The following ENOX2 variants were observed in gnomAD, a reference collection of about 807,000 sequenced individuals.
The protein encoded by ENOX2 is ecto-NOX disulfide-thiol exchanger 2.
A neutral mutation model predicts 45.0 loss-of-function variants in ENOX2; 36 were observed. The ratio of observed to expected loss-of-function variants is 0.80; its 90% CI spans 0.61 to 1.06. The LOEUF is 1.06. Among genes scored for constraint, ENOX2 ranks in the 50% least tolerant of loss-of-function variants. ENOX2 has a pLI of 0.00. For synonymous variants in ENOX2, 174 were observed against 152.3 expected (o/e 1.14, Z -1.05); for missense variants, 423 against 462.5 (o/e 0.91, Z 0.78).
chrX:130,784,587 T>C (rs1382785665), intron 2 of ENOX2, among the ~76,000 whole-genome samples: 2 of 86,712 alleles, frequency 2.3e-5, no homozygotes, highest in African/African-American at 4.9e-5. Flanking sequence ...TAGCTCACTC[T>C]TTTTTTTTTT....
At chrX:130,837,533 T>A (rs919012229) in intron 2 of ENOX2, among the ~76,000 whole-genome samples, 1 of 111,925 alleles carries the variant, frequency 8.9e-6, no homozygotes, top group Non-Finnish European at 1.9e-5. Flanking sequence ...CATCTAGACA[T>A]ACTTAAACAT....
intron 2 of ENOX2, among the ~76,000 whole-genome samples, chrX:130,787,876 C>T (rs771691596): frequency 1.8e-5 from 2 of 111,468 alleles, no homozygotes; most frequent in Non-Finnish European, 3.8e-5. Flanking sequence ...ACATCTCACT[C>T]AGTAAGCTGA....
chrX:130,816,815 A>G (rs975806829), intron 2 of ENOX2, among the ~76,000 whole-genome samples: 5 of 112,069 alleles, frequency 4.5e-5, no homozygotes, highest in Non-Finnish European at 9.4e-5. Context: ...AAAGTGGGAA[A>G]GATGTAGAAT....
At chrX:130,793,742 T>C (rs2077078343) in intron 2 of ENOX2, among the ~76,000 whole-genome samples, 1 of 112,328 alleles carries the variant, frequency 8.9e-6, no homozygotes, top group Admixed American at 9.4e-5. Flanking sequence ...TTAAGGTGTT[T>C]GTGTTCCGTG....
intron 3 of ENOX2, among the ~76,000 whole-genome samples, chrX:130,716,007 G>T (rs1200584901): frequency 9.0e-6 from 1 of 111,401 alleles, no homozygotes; most frequent in East Asian, 2.8e-4. Context: ...GGGGCCACTG[G>T]GGGTAAGGAA....
chrX:130,804,865 A>G (rs1291525155), intron 2 of ENOX2, among the ~76,000 whole-genome samples: 1 of 111,459 alleles, frequency 9.0e-6, no homozygotes, highest in East Asian at 2.8e-4. Context: ...CCACTTAACT[A>G]TGGTCTGAAT....
Position 130,830,335 on chromosome X carries a change from A to T in ENOX2, c.-182-46645T>A, listed in dbSNP as rs370275287. Among the ~76,000 whole-genome samples the T allele has an allele frequency of 3.2e-4, 35 of 110,795 alleles. No individual in the cohort carries two copies. The East Asian group carries it at 4.3e-3, about 13-fold the overall frequency. ...ACTTCTGTATTAAACTTGCTTTCCCACTCTTTAAAGTGACAATATCTTCAT... is the reference window on the plus strand; with the variant it reads ...ACTTCTGTATTAAACTTGCTTTCCCTCTCTTTAAAGTGACAATATCTTCAT... On this transcript the variant is annotated intron_variant, in intron 2 of 14. Coordinates refer to ENST00000394363, the MANE Select transcript of ENOX2 (RefSeq NM_006375.4).
chrX:130,823,220 T>A (rs759460590), intron 2 of ENOX2, among the ~76,000 whole-genome samples: 1 of 111,698 alleles, frequency 9.0e-6, no homozygotes, highest in South Asian at 3.7e-4. Flanking sequence ...AAATAAAAGA[T>A]AATCAGGAAA....
At position 130,838,975 on chromosome X, in the gene ENOX2, C is replaced by A. The variant is rs192568042; in HGVS notation, c.-182-55285G>T. 2.7e-5 allele frequency among the ~76,000 whole-genome samples: 3 copies of A among 112,171 alleles called. No homozygotes were observed. The East Asian group carries it at 8.4e-4, about 31-fold the overall frequency. ...TAGCAGTTGGGATACATACACAATG[C>A]AGTGAATCTAATTCCTGCCACACAC... is the stretch of plus-strand genomic sequence containing the variant. On this transcript the variant is annotated intron_variant, in intron 2 of 14. Transcript: ENST00000394363.
chrX:130,681,052 C>A (rs1036597143), intron 5 of ENOX2, among the ~76,000 whole-genome samples: 5 of 112,291 alleles, frequency 4.5e-5, no homozygotes, highest in Non-Finnish European at 9.4e-5. Context: ...TTTTACAAGT[C>A]TGTAATTTCA....
At chrX:130,705,194 AC>A (rs1379401970) in intron 3 of ENOX2, among the ~76,000 whole-genome samples, 4 of 112,134 alleles carry the variant, frequency 3.6e-5, no homozygotes, top group Non-Finnish European at 7.5e-5. Context: ...AAGGACTGGG[AC>A]CCAATGCCAA....
intron 2 of ENOX2, among the ~76,000 whole-genome samples, chrX:130,784,662 A>G (rs1270108792): frequency 1.0e-5 from 1 of 98,988 alleles, no homozygotes; most frequent in Non-Finnish European, 2.0e-5. Context: ...ATCTTGGCTC[A>G]CTGCAACCCC....
intron 3 of ENOX2, among the ~76,000 whole-genome samples, chrX:130,745,255 G>A (rs1387801421): frequency 1.8e-5 from 2 of 111,860 alleles, no homozygotes; most frequent in Non-Finnish European, 3.8e-5. Context: ...TCAAACACAG[G>A]TATTTCTGCT....
At chrX:130,654,631 G>A (rs1223730421) in intron 10 of ENOX2, among the ~76,000 whole-genome samples, 2 of 112,170 alleles carry the variant, frequency 1.8e-5, no homozygotes, top group African/African-American at 6.5e-5. Flanking sequence ...CAATCGAGGG[G>A]AAGAAAAATG....
At chrX:130,670,274 CAG>C (rs1298647185) in intron 6 of ENOX2, 76 bp from the exon 7 acceptor site, 4,824 of 575,904 alleles carry the variant, frequency 8.4e-3, no homozygotes, top group Non-Finnish European at 9.6e-3. Flanking sequence ...GAGACAGAGA[CAG>C]AGAGAGAGAG....
At chrX:130,882,535 G>A (rs1393763240) in intron 2 of ENOX2, among the ~76,000 whole-genome samples, 1 of 110,902 alleles carries the variant, frequency 9.0e-6, no homozygotes, top group Non-Finnish European at 1.9e-5. Flanking sequence ...GTTTCTTGTT[G>A]CAAAAAGCTG....
At chrX:130,688,550 C>T (rs960355346) in intron 5 of ENOX2, among the ~76,000 whole-genome samples, 3 of 112,275 alleles carry the variant, frequency 2.7e-5, no homozygotes, top group Admixed American at 9.4e-5. Context: ...GCGGCAGTTA[C>T]GAAAAGAAAA....
intron 2 of ENOX2, among the ~76,000 whole-genome samples, chrX:130,809,824 G>A (rs894097989): frequency 2.7e-5 from 3 of 110,574 alleles, no homozygotes; most frequent in Non-Finnish European, 5.7e-5. Context: ...AATACAATGT[G>A]ATACATACTT....
intron 3 of ENOX2, among the ~76,000 whole-genome samples, chrX:130,762,729 G>C (rs1273040692): frequency 8.9e-6 from 1 of 111,953 alleles, no homozygotes; most frequent in African/African-American, 3.2e-5. Flanking sequence ...TGCTCTATAT[G>C]ATTCAAATTT....
Sources: allele counts gnomAD v4.1 joint callset (sites outside exome capture counted in the v4.1 genomes callset), GRCh38; gene constraint gnomAD v4.1.1; transcripts MANE v1.5; gene names NCBI Gene and HGNC (gene_info 2026-07-23, HGNC 2026-07-21).